AKT3: variants seen among roughly 807,000 people sequenced by gnomAD.
The protein encoded by AKT3 is AKT serine/threonine kinase 3, also known as RAC-gamma serine/threonine-protein kinase.
AKT3 carries 15 observed loss-of-function variants against 65.3 expected under a neutral mutation model. The observed-to-expected ratio is 0.23, with a 90% CI of 0.15 to 0.35. The LOEUF (loss-of-function observed/expected upper bound fraction) is 0.35, where lower values mean the gene tolerates loss of function less well. Among genes scored for constraint, AKT3 ranks in the 10% least tolerant of loss-of-function variants. The probability of loss-of-function intolerance (pLI) is 1.00; values close to 1 mark genes in which losing one functional copy is unlikely to be tolerated. For missense variants in AKT3, 243 were observed against 576.5 expected (o/e 0.42, Z 5.92); for synonymous variants, 206 against 183.8 (o/e 1.12, Z -0.98).
intron 2 of AKT3, among the ~76,000 whole-genome samples, chr1:243,833,093 C>T (rs368839404): frequency 6.6e-6 from 1 of 151,976 alleles, no homozygotes; most frequent in East Asian, 1.9e-4. Flanking sequence ...AACCCCGTCG[C>T]TTAATGAAAA....
chr1:243,726,011 G>A (rs574125767), intron 2 of AKT3, among the ~76,000 whole-genome samples: 6 of 152,152 alleles, frequency 3.9e-5, no homozygotes, highest in African/African-American at 1.4e-4. Flanking sequence ...AAGGCCTAGT[G>A]CAGGCAGCTC....
chr1:243,627,181 CAAAAT>C (rs1449401378), intron 6 of AKT3, among the ~76,000 whole-genome samples: 1 of 152,062 alleles, frequency 6.6e-6, no homozygotes, highest in East Asian at 1.9e-4. Context: ...CAGAAGTTCT[CAAAAT>C]AAAACAATCT....
chr1:243,559,620 G>T (rs549331928), intron 10 of AKT3, among the ~76,000 whole-genome samples: 1 of 152,182 alleles, frequency 6.6e-6, no homozygotes, highest in South Asian at 2.1e-4. Flanking sequence ...TCTTTGTGAA[G>T]TATCTTCAAA....
intron 2 of AKT3, among the ~76,000 whole-genome samples, chr1:243,743,049 C>A (rs765729161): frequency 8.5e-5 from 13 of 152,112 alleles, no homozygotes; most frequent in Non-Finnish European, 1.3e-4. Flanking sequence ...ATTTTCACTC[C>A]CAATTCACTG....
intron 3 of AKT3, among the ~76,000 whole-genome samples, chr1:243,671,095 T>G (rs954910294): frequency 1.3e-5 from 2 of 151,592 alleles, no homozygotes; most frequent in African/African-American, 4.8e-5. Flanking sequence ...TTTTTTTTTT[T>G]TGAGACGGAG....
chr1:243,700,888 A>ATT, intron 2 of AKT3, among the ~76,000 whole-genome samples: 1 of 152,218 alleles, frequency 6.6e-6, no homozygotes, highest in East Asian at 1.9e-4. Flanking sequence ...TCTGGATAGG[A>ATT]TATTCAAATA....
At chr1:243,527,918 CACACACACACACACACACAGAGAGAGAG>C (rs1671254919) in intron 12 of AKT3, among the ~76,000 whole-genome samples, 9 of 96,448 alleles carry the variant, frequency 9.3e-5, no homozygotes, top group African/African-American at 3.9e-4. Flanking sequence ...CACACACACA[CACACACACACACACACACAGAGAGAGAG>C]AGAGAGAGAG....
intron 3 of AKT3, among the ~76,000 whole-genome samples, chr1:243,690,957 A>AAGAC (rs767848240): frequency 6.6e-6 from 1 of 152,238 alleles, no homozygotes; most frequent in Non-Finnish European, 1.5e-5. Context: ...TAAGATAAAT[A>AAGAC]AGACTAAGCT....
At chr1:243,720,409 G>T (rs2148111546) in intron 2 of AKT3, among the ~76,000 whole-genome samples, 2 of 123,048 alleles carry the variant, frequency 1.6e-5, no homozygotes, top group Admixed American at 8.4e-5. Flanking sequence ...AAATCTTTTT[G>T]ATGAGACCAA....
intron 2 of AKT3, among the ~76,000 whole-genome samples, chr1:243,800,175 G>C (rs893155485): frequency 1.3e-5 from 2 of 152,174 alleles, no homozygotes; most frequent in Admixed American, 1.3e-4. Context: ...AAATGTGCTT[G>C]TGTTTGAATC....
chr1:243,615,165 CA>C lies in AKT3; in HGVS notation c.562-5del. On this transcript the variant is annotated splice_region_variant and splice_polypyrimidine_tract_variant and intron_variant, in intron 6 of 13. Coordinates refer to ENST00000673466, the MANE Select transcript of AKT3 (RefSeq NM_005465.7). ...TTAGAGTGTGTGCCACTTCATCCTA[CA>C]AAAGAAAAAAAGCAAACCTTCAATA... 1 of 1,599,034 alleles carries C rather than the reference CA, an allele frequency of 6.3e-7. No homozygotes were observed. The highest frequency in any genetic ancestry group is 8.5e-7 in the Non-Finnish European group (1 of 1,172,184).
chr1:243,698,050 T>TAA (rs1459355958), intron 2 of AKT3, among the ~76,000 whole-genome samples: 10 of 152,204 alleles, frequency 6.6e-5, no homozygotes, highest in Non-Finnish European at 1.2e-4. Context: ...GCACATGACT[T>TAA]AATAAGGCAA....
intron 2 of AKT3, among the ~76,000 whole-genome samples, chr1:243,704,960 T>C (rs902078636): frequency 6.6e-6 from 1 of 152,174 alleles, no homozygotes; most frequent in African/African-American, 2.4e-5. Context: ...ATGTTGCCAC[T>C]GCAGCTGGCC....
rs534610272 is a variant in AKT3, at chr1:243,689,240, C to T, written c.172+6351G>A. ...TGGGTATAATGATCAATCAACACTT[C>T]GAAGGTGAATTATTATGATCTCTCA... On this transcript the variant is annotated intron_variant, in intron 3 of 13. Coordinates refer to ENST00000673466, the MANE Select transcript of AKT3 (RefSeq NM_005465.7). Among the ~76,000 whole-genome samples, 74 of 151,994 alleles carry T rather than the reference C, an allele frequency of 4.9e-4. 2 individuals carry two copies. The South Asian group carries it at 0.014, about 29-fold the overall frequency.
At chr1:243,822,483 A>C (rs1693915317) in intron 2 of AKT3, among the ~76,000 whole-genome samples, 1 of 150,420 alleles carries the variant, frequency 6.6e-6, no homozygotes, top group Non-Finnish European at 1.5e-5. Flanking sequence ...AAAAAAAACT[A>C]ATCCAGGAGC....
At chr1:243,833,892 T>C (rs566091572) in intron 2 of AKT3, among the ~76,000 whole-genome samples, 1 of 151,828 alleles carries the variant, frequency 6.6e-6, no homozygotes. Context: ...AGACTCCATC[T>C]CTATAAAAAA....
At chr1:243,657,338 C>CA (rs1681883857) in intron 4 of AKT3, among the ~76,000 whole-genome samples, 1 of 152,160 alleles carries the variant, frequency 6.6e-6, no homozygotes, top group Admixed American at 6.5e-5. Context: ...ATAAGCTACT[C>CA]AGTTTATGAT....
At chr1:243,589,968 ATTATG>A (rs1676111219) in intron 8 of AKT3, among the ~76,000 whole-genome samples, 1 of 152,246 alleles carries the variant, frequency 6.6e-6, no homozygotes, top group East Asian at 1.9e-4. Flanking sequence ...CCTCAAGGGC[ATTATG>A]TTAAGTAAAA....
chr1:243,601,332 TAAGAA>T (rs1267916781), intron 8 of AKT3, among the ~76,000 whole-genome samples: 1 of 152,026 alleles, frequency 6.6e-6, no homozygotes, highest in Non-Finnish European at 1.5e-5. Context: ...CAAATCAGAA[TAAGAA>T]AAGAAGTTCA....
Sources: allele counts gnomAD v4.1 joint callset (sites outside exome capture counted in the v4.1 genomes callset), GRCh38; gene constraint gnomAD v4.1.1; transcripts MANE v1.5; gene names NCBI Gene and HGNC (gene_info 2026-07-23, HGNC 2026-07-21).